Variants in SCLY observed in about 807,000 individuals in gnomAD.
The protein encoded by SCLY is selenocysteine lyase.
In SCLY, 38 loss-of-function variants were observed where a neutral mutation model predicts 50.1. The ratio of observed to expected loss-of-function variants is 0.76; its 90% CI spans 0.59 to 0.99. The LOEUF (loss-of-function observed/expected upper bound fraction) is 0.99. Ranked by LOEUF, SCLY falls within the 50% of genes least tolerant of loss-of-function variation. The pLI, the probability that SCLY is intolerant of heterozygous loss-of-function variation, is 0.00. For synonymous variants in SCLY, 243 were observed against 249.4 expected (o/e 0.97, Z 0.24); for missense variants, 600 against 620.0 (o/e 0.97, Z 0.34).
At chr2:238,096,774 T>G (rs747498776) in intron 10 of SCLY, 27 bp from the exon 11 acceptor site, 1 of 1,595,296 alleles carries the variant, frequency 6.3e-7, no homozygotes. Context: ...GAGCCCCATC[T>G]CAGGGGCATG....
rs1168396489 is a variant in SCLY at position 238,066,762 on chromosome 2, A to C, written c.203-1303A>C. ...TTCCTGAGTGTATTAGTCTGTTCTC[A>C]TGCTGCTAATGAAGATGTACCTGAG... On this transcript the variant is annotated intron_variant, in intron 2 of 11. Coordinates refer to ENST00000254663, the MANE Select transcript of SCLY (RefSeq NM_016510.7). This position sits in a 1 kb window ranked among gnomAD's most constrained non-coding sequence, Gnocchi z 4.1. Among the ~76,000 whole-genome samples the C allele has an allele frequency of 6.6e-6, 1 of 152,184 alleles. No homozygotes were observed. The highest frequency in any genetic ancestry group is 2.4e-5 in the African/African-American group (1 of 41,436).
intron 4 of SCLY, among the ~76,000 whole-genome samples, chr2:238,075,273 A>G (rs1298257996): frequency 6.6e-6 from 1 of 151,988 alleles, no homozygotes; most frequent in African/African-American, 2.4e-5. Context: ...ATGTTTTTAG[A>G]TTTGGTTCAC....
At chr2:238,085,484 C>T (rs1478639542) in intron 7 of SCLY, among the ~76,000 whole-genome samples, 1 of 150,988 alleles carries the variant, frequency 6.6e-6, no homozygotes, top group African/African-American at 2.4e-5. Flanking sequence ...TTTGGGAGGC[C>T]GAGGTGAGCG....
chr2:238,097,021 G>A, intron 11 of SCLY, 145 bp downstream of exon 11: 1 of 767,254 alleles, frequency 1.3e-6, no homozygotes, highest in Non-Finnish European at 2.1e-6. Flanking sequence ...GGCAGAGGGA[G>A]GGCTTCCTGG....
chr2:238,081,646 G>A (rs987595126), intron 4 of SCLY, 63 bp from the exon 5 acceptor site: 3 of 1,573,618 alleles, frequency 1.9e-6, no homozygotes, highest in Non-Finnish European at 2.6e-6. Flanking sequence ...AGCTCTGTTG[G>A]AACGCAGTTT....
chr2:238,087,019 G>GA (rs34975994), intron 7 of SCLY, among the ~76,000 whole-genome samples: 75 of 149,282 alleles, frequency 5.0e-4, no homozygotes, highest in South Asian at 2.1e-4. Context: ...AACTCCGTCT[G>GA]AAAAAAAAAA....
intron 4 of SCLY, among the ~76,000 whole-genome samples, chr2:238,074,918 A>G (rs182224654): frequency 1.1e-4 from 17 of 152,290 alleles, no homozygotes; most frequent in African/African-American, 3.9e-4. Context: ...TTTCTTGTCT[A>G]ATTGCCTTGA....
rs777079762 is a variant in SCLY at position 238,093,864 on chromosome 2, G to T, written c.925G>T (p.Ala309Ser). The T allele has an allele frequency of 1.2e-6, 2 of 1,613,542 alleles. No homozygotes were observed. The highest frequency in any genetic ancestry group is 1.7e-6 in the Non-Finnish European group (2 of 1,179,876). Residue 309 changes from alanine (A) to serine (S), a missense_variant, in exon 9 of 12, where the codon GCG (alanine) becomes TCG (serine). Transcript: ENST00000254663. ...TPMIAGLGKAAELVTQNCEAY... is the reference protein window; with the variant it reads ...TPMIAGLGKASELVTQNCEAY... ...CTTGTTGTGTGTCTGCCCCCAGGCC[G>T]CGGAGCTGGTGACCCAGAACTGCGA...
At chr2:238,091,050 C>T (rs1187990736) in intron 7 of SCLY, among the ~76,000 whole-genome samples, 168 bp from the exon 8 acceptor site, 1 of 152,160 alleles carries the variant, frequency 6.6e-6, no homozygotes, top group African/African-American at 2.4e-5. Flanking sequence ...GAAAACTTGG[C>T]AGGGGAGGTT....
Position 238,099,216 on chromosome 2 carries a change from A to G in SCLY, c.*861A>G, listed in dbSNP as rs1691386369. The G allele has an allele frequency of 2.1e-6, 1 of 471,044 alleles. No homozygotes were observed. Among genetic ancestry groups the G allele is most frequent in the Non-Finnish European group, 4.4e-6 (1 of 227,018 alleles). 29.2% of individuals were successfully genotyped at this position (471,044 alleles called of 1,614,324 possible). A position where few individuals can be genotyped will look rare whatever the true frequency, so the allele number is the denominator to read the frequency against. ...TCATCCCTGACTCAGCTTTTACCTT[A>G]ATTTTATTTGCAGAGGATTCTTTTC... On this transcript the variant is annotated 3_prime_UTR_variant, in exon 12 of 12. Transcript: ENST00000254663.
rs1559241593 is a variant in SCLY, at chr2:238,066,316, C to T, written c.203-1749C>T. Among the ~76,000 whole-genome samples the T allele has an allele frequency of 6.6e-6, 1 of 152,092 alleles. No individual in the cohort carries two copies. The highest frequency in any genetic ancestry group is 1.5e-5 in the Non-Finnish European group (1 of 68,018). On this transcript the variant is annotated intron_variant, in intron 2 of 11. Transcript: ENST00000254663. The surrounding 1 kb of genome is among the most constrained non-coding windows in gnomAD (Gnocchi z 4.1). The stretch of plus-strand genomic sequence containing the variant: ...CACCATATACCTGTGAGAAAAGGAG[C>T]GTGAAAAAGGCAGTTCTTCTCTTAG...
chr2:238,072,087 T>A (rs2065133774), intron 4 of SCLY, among the ~76,000 whole-genome samples: 1 of 152,182 alleles, frequency 6.6e-6, no homozygotes, highest in Admixed American at 6.5e-5. Context: ...CAACCACTCA[T>A]CTACTTTCTG....
intron 4 of SCLY, chr2:238,080,473 G>A (rs1375675451): frequency 1.3e-5 from 2 of 152,258 alleles, no homozygotes; most frequent in East Asian, 3.9e-4. Flanking sequence ...TCCCCAGGAG[G>A]TGTCTCCCAG....
At chr2:238,089,516 C>G (rs2065339934) in intron 7 of SCLY, among the ~76,000 whole-genome samples, 1 of 152,182 alleles carries the variant, frequency 6.6e-6, no homozygotes, top group South Asian at 2.1e-4. Flanking sequence ...AAAGATGAAC[C>G]TTGACCCAAG....
intron 9 of SCLY, 82 bp from the exon 10 acceptor site, chr2:238,094,338 T>C: frequency 8.6e-7 from 1 of 1,168,988 alleles, no homozygotes. Flanking sequence ...AAGTTGTGTT[T>C]CTGGAAAAGT....
chr2:238,073,164 C>T (rs2065142621), intron 4 of SCLY, among the ~76,000 whole-genome samples: 1 of 152,182 alleles, frequency 6.6e-6, no homozygotes, highest in South Asian at 2.1e-4. Context: ...AATCAGTTGA[C>T]CGTAATATGT....
Position 238,069,546 on chromosome 2 carries a change from C to T in SCLY, c.484+69C>T, listed in dbSNP as rs1463956825. ...CAGCTGCGAGGCGGGAAGTGGCCTG[C>T]GAGCAGAGCCCGGGATCCGCTGCAG... On this transcript the variant is annotated intron_variant, in intron 4 of 11. Coordinates refer to ENST00000254663, the MANE Select transcript of SCLY (RefSeq NM_016510.7). The surrounding 1 kb of genome is among the most constrained non-coding windows in gnomAD (Gnocchi z 5.0). 5 of 1,384,692 alleles carry T rather than the reference C, an allele frequency of 3.6e-6. No homozygotes were observed. Among genetic ancestry groups the T allele is most frequent in the South Asian group, 2.8e-5 (2 of 72,652 alleles). 85.8% of individuals were successfully genotyped at this position (1,384,692 alleles called of 1,614,324 possible). A position where few individuals can be genotyped will look rare whatever the true frequency, so the allele number is the denominator to read the frequency against.
intron 5 of SCLY, 25 bp from the exon 6 acceptor site, chr2:238,082,020 C>G (rs1242291142): frequency 3.7e-6 from 6 of 1,605,508 alleles, no homozygotes; most frequent in Non-Finnish European, 3.4e-6. Flanking sequence ...GAGCAACATA[C>G]TCAACTGTTT....
intron 6 of SCLY, chr2:238,082,934 TA>T (rs1212732340): frequency 1.2e-5 from 4 of 320,312 alleles, no homozygotes; most frequent in African/African-American, 4.4e-5. Context: ...TTTTTTTTTT[TA>T]AACCTGTGAT....
Sources: allele counts gnomAD v4.1 joint callset (sites outside exome capture counted in the v4.1 genomes callset), GRCh38; gene constraint gnomAD v4.1.1; non-coding constraint Gnocchi (gnomAD v3.1); transcripts MANE v1.5; gene names NCBI Gene and HGNC (gene_info 2026-07-23, HGNC 2026-07-21).